The following MYH10 variants were observed in gnomAD, a reference collection of about 807,000 sequenced individuals.
MYH10 encodes the protein myosin-10.
Under a neutral mutation model 257.8 loss-of-function variants are expected in MYH10, and 55 were observed. The ratio of observed to expected loss-of-function variants is 0.21; its 90% confidence interval spans 0.17 to 0.27. The LOEUF is 0.27. Among genes scored for constraint, MYH10 ranks in the 10% least tolerant of loss-of-function variants. MYH10 has a pLI of 1.00. For synonymous variants in MYH10, 854 were observed against 921.7 expected (o/e 0.93, Z 1.33); for missense variants, 1,631 against 2,500.6 (o/e 0.65, Z 7.42).
At chr17:8,601,090 A>C (rs569662364) in intron 3 of MYH10, among the ~76,000 whole-genome samples, 1 of 152,366 alleles carries the variant, frequency 6.6e-6, no homozygotes, top group East Asian at 1.9e-4. Context: ...TTGTGGCCTA[A>C]AAAAGTGGCC....
chr17:8,625,872 C>T (rs1284770812), intron 1 of MYH10, among the ~76,000 whole-genome samples: 1 of 152,176 alleles, frequency 6.6e-6, no homozygotes, highest in East Asian at 1.9e-4. Flanking sequence ...CTCCAAAGTT[C>T]TGTGGTTGCC....
intron 6 of MYH10, among the ~76,000 whole-genome samples, chr17:8,572,423 C>T (rs995741269): frequency 3.3e-5 from 5 of 152,140 alleles, no homozygotes; most frequent in African/African-American, 1.2e-4. Flanking sequence ...AGAGGTTCCA[C>T]GGGTGTCCAA....
At chr17:8,538,745 G>GTTCT (rs1861785099) in intron 14 of MYH10, among the ~76,000 whole-genome samples, 2 of 152,214 alleles carry the variant, frequency 1.3e-5, no homozygotes, top group Non-Finnish European at 2.9e-5. Context: ...GAGTTACCTA[G>GTTCT]TTCTACTCAT....
At chr17:8,580,245 T>C (rs1391471536) in intron 4 of MYH10, among the ~76,000 whole-genome samples, 1 of 152,104 alleles carries the variant, frequency 6.6e-6, no homozygotes, top group African/African-American at 2.4e-5. Flanking sequence ...TCCTTCTTTT[T>C]GAAAAGAGCA....
chr17:8,490,466 G>C lies in MYH10; in HGVS notation c.4758C>G (p.Leu1586=), dbSNP rs752422714. The C allele has an allele frequency of 2.5e-6, 4 of 1,614,190 alleles. No homozygotes were observed. The highest frequency in any genetic ancestry group is 3.4e-6 in the Non-Finnish European group (4 of 1,180,036). Reference sequence around the variant, plus strand: ...GAAGCTTGGCATCTTCCGTGGCCTGGAGTTCGTCTTCCAGCTCCTCCAGCT... The same window carrying C: ...GAAGCTTGGCATCTTCCGTGGCCTGCAGTTCGTCTTCCAGCTCCTCCAGCT... ...RTQLEELEDE[L]QATEDAKLRL... The change falls in exon 35 of 43, where the codon CTC becomes CTG. Residue 1586 remains leucine, a synonymous_variant. Transcript: ENST00000360416. This position sits in a 1 kb window ranked among gnomAD's most constrained non-coding sequence, Gnocchi z 4.1.
chr17:8,562,569 G>C (rs2083033601), intron 7 of MYH10, among the ~76,000 whole-genome samples: 1 of 152,144 alleles, frequency 6.6e-6, no homozygotes, highest in Non-Finnish European at 1.5e-5. Flanking sequence ...TTTGCATAAA[G>C]GTCAGATTAT....
At position 8,487,318 on chromosome 17, in the gene MYH10, C is replaced by A. The variant is rs368969832; in HGVS notation, c.5046+115G>T. 71 of 1,283,086 alleles carry A rather than the reference C, an allele frequency of 5.5e-5. 1 individual carries two copies. Among genetic ancestry groups the A allele is most frequent in the African/African-American group, 2.1e-4 (14 of 68,226 alleles). The allele number at this position is 1,283,086 out of a possible 1,614,324, so 79.5% of individuals were successfully genotyped here. A position where few individuals can be genotyped will look rare whatever the true frequency, so the allele number is the denominator to read the frequency against. On this transcript the variant is annotated intron_variant, in intron 36 of 42. Coordinates refer to ENST00000360416, the MANE Select transcript of MYH10 (RefSeq NM_001256012.3). ...ACTCTCTTTATGGCCTGCTGCCCCA[C>A]CCCCGGCCACGCTGACAGCGGTGCT...
intron 17 of MYH10, 180 bp from the exon 18 acceptor site, chr17:8,521,465 C>T: frequency 3.2e-6 from 2 of 625,324 alleles, no homozygotes; most frequent in Non-Finnish European, 5.6e-6. Flanking sequence ...CAGCCACACA[C>T]TTATATGGCA....
chr17:8,590,561 C>T (rs2084090008), intron 3 of MYH10, among the ~76,000 whole-genome samples: 1 of 152,114 alleles, frequency 6.6e-6, no homozygotes, highest in Admixed American at 6.5e-5. Flanking sequence ...ATCCACCTGC[C>T]TCGGCCTCCC....
At chr17:8,598,277 T>C (rs1008314150) in intron 3 of MYH10, among the ~76,000 whole-genome samples, 1 of 152,214 alleles carries the variant, frequency 6.6e-6, no homozygotes, top group African/African-American at 2.4e-5. Context: ...TTATTTTGAG[T>C]CAATTTTGTC....
At chr17:8,573,262 G>C (rs568137438) in intron 6 of MYH10, among the ~76,000 whole-genome samples, 2 of 152,196 alleles carry the variant, frequency 1.3e-5, no homozygotes, top group Non-Finnish European at 2.9e-5. Context: ...CCCGCAAGGG[G>C]ACTCAGGCTG....
chr17:8,584,430 CT>C lies in MYH10; in HGVS notation c.530+4650del, dbSNP rs570627520. ...GGACACACTTCAACTTGCCTTGGGC[CT>C]TTTTTACAAGCAGTTTTTAAAGGAA... On this transcript the variant is annotated intron_variant, in intron 4 of 42. Coordinates refer to ENST00000360416, the MANE Select transcript of MYH10 (RefSeq NM_001256012.3). 6.6e-5 allele frequency among the ~76,000 whole-genome samples: 10 copies of C among 152,202 alleles called. No homozygotes were observed. In the East Asian group the frequency reaches 1.9e-3, roughly 29 times the overall value.
At chr17:8,594,572 C>T (rs1264152610) in intron 3 of MYH10, among the ~76,000 whole-genome samples, 1 of 152,128 alleles carries the variant, frequency 6.6e-6, no homozygotes, top group African/African-American at 2.4e-5. Context: ...AGCGATCTTA[C>T]TCCTAGGTAT....
intron 32 of MYH10, 36 bp downstream of exon 32, chr17:8,493,693 CACAT>C (rs1375835155): frequency 2.1e-5 from 33 of 1,575,090 alleles, no homozygotes; most frequent in Non-Finnish European, 2.7e-5. Context: ...GCTGAAGGCA[CACAT>C]CGAGGCCACC....
At chr17:8,496,293 G>A (rs1345069636) in intron 30 of MYH10, among the ~76,000 whole-genome samples, 1 of 152,244 alleles carries the variant, frequency 6.6e-6, no homozygotes, top group African/African-American at 2.4e-5. Flanking sequence ...CACAGCCACA[G>A]CAGAGCACAT....
Position 8,512,667 on chromosome 17 carries a change from C to A in MYH10, c.2746-10G>T. On this transcript the variant is annotated splice_polypyrimidine_tract_variant and intron_variant, in intron 23 of 42. Transcript: ENST00000360416. ...TCTTCTCTTCTAAAAGCTGCAATCA[C>A]AATAAAGTGTCTGTGATTTGCCCCT... 1 of 1,607,936 alleles carries A rather than the reference C, an allele frequency of 6.2e-7. No homozygotes were observed. The highest frequency in any genetic ancestry group is 1.7e-5 in the Admixed American group (1 of 59,574).
chr17:8,629,438 C>G (rs1568005463), intron 1 of MYH10, among the ~76,000 whole-genome samples: 2 of 146,058 alleles, frequency 1.4e-5, no homozygotes, highest in African/African-American at 2.5e-5. Context: ...TAGGCAGAGG[C>G]CACGTTATCC....
intron 6 of MYH10, among the ~76,000 whole-genome samples, chr17:8,571,827 C>T (rs542101591): frequency 1.4e-4 from 21 of 152,236 alleles, no homozygotes; most frequent in African/African-American, 1.9e-4. Context: ...CCTCCACCCC[C>T]CCGGGGTCAG....
chr17:8,576,552 C>T, intron 6 of MYH10, 91 bp downstream of exon 6: 1 of 1,240,466 alleles, frequency 8.1e-7, no homozygotes, highest in East Asian at 2.6e-5. Flanking sequence ...TCACTTAGAA[C>T]TAGTGGCATT....
Sources: gnomAD v4.1 joint callset for allele counts (sites outside exome capture counted in the v4.1 genomes callset) on GRCh38, gnomAD v4.1.1 for gene constraint, Gnocchi (gnomAD v3.1) non-coding constraint, MANE v1.5 for transcripts, NCBI Gene and HGNC (gene_info 2026-07-23, HGNC 2026-07-21) for gene names.